CAMTA1: variants seen among roughly 807,000 people sequenced by gnomAD.
The protein encoded by CAMTA1 is calmodulin binding transcription activator 1.
CAMTA1 carries 27 observed loss-of-function variants against 170.9 expected under a neutral mutation model. The observed-to-expected ratio is 0.16, with a 90% confidence interval of 0.12 to 0.22. The LOEUF is 0.22. Ranked by LOEUF, CAMTA1 falls within the 10% of genes least tolerant of loss-of-function variation. CAMTA1 has a pLI of 1.00. For synonymous variants in CAMTA1, 833 were observed against 891.5 expected, an observed-to-expected ratio of 0.93 and a Z score of 1.17; for missense variants, 1,619 against 2,217.2, an observed-to-expected ratio of 0.73 and a Z score of 5.42.
chr1:7,031,633 G>A (rs761854897), intron 3 of CAMTA1, among the ~76,000 whole-genome samples: 6 of 152,070 alleles, frequency 3.9e-5, no homozygotes, highest in Non-Finnish European at 7.3e-5. Flanking sequence ...TCCGCCTCCC[G>A]GGTTCAAGTG....
At chr1:7,020,123 A>G (rs1701136297) in intron 3 of CAMTA1, among the ~76,000 whole-genome samples, 1 of 152,264 alleles carries the variant, frequency 6.6e-6, no homozygotes, top group African/African-American at 2.4e-5. Flanking sequence ...TCCATCTTTT[A>G]TAACAGGCAA....
chr1:6,884,720 A>G (rs1672688739), intron 3 of CAMTA1, among the ~76,000 whole-genome samples: 3 of 152,244 alleles, frequency 2.0e-5, no homozygotes, highest in Admixed American at 6.5e-5. Flanking sequence ...GTGTTCTTGG[A>G]TGCCTTATGT....
At chr1:6,906,744 C>G (rs890257040) in intron 3 of CAMTA1, among the ~76,000 whole-genome samples, 13 of 152,222 alleles carry the variant, frequency 8.5e-5, no homozygotes, top group Non-Finnish European at 1.8e-4. Context: ...TTCCCTCCCC[C>G]TCATTTTCGA....
chr1:7,657,679 G>C (rs575607738), intron 7 of CAMTA1, among the ~76,000 whole-genome samples: 29 of 152,332 alleles, frequency 1.9e-4, no homozygotes, highest in Admixed American at 1.4e-3. Context: ...GGGAAGCAGA[G>C]CATGACATGT....
chr1:7,337,636 C>T (rs2083481965), intron 5 of CAMTA1, among the ~76,000 whole-genome samples: 2 of 151,950 alleles, frequency 1.3e-5, no homozygotes, highest in Non-Finnish European at 2.9e-5. Context: ...TGGGCCTCAT[C>T]CAATCACAAT....
chr1:7,028,691 G>T (rs940752835), intron 3 of CAMTA1, among the ~76,000 whole-genome samples: 1 of 152,112 alleles, frequency 6.6e-6, no homozygotes. Flanking sequence ...TGGTATTATT[G>T]TGAGTCATTT....
intron 5 of CAMTA1, among the ~76,000 whole-genome samples, chr1:7,371,831 C>T (rs2086495602): frequency 6.6e-6 from 1 of 152,176 alleles, no homozygotes; most frequent in Non-Finnish European, 1.5e-5. Context: ...ATGATTTTGT[C>T]CCCCCACTCC....
intron 22 of CAMTA1, among the ~76,000 whole-genome samples, chr1:7,756,896 T>A (rs1577456796): frequency 1.3e-5 from 2 of 152,034 alleles, no homozygotes; most frequent in South Asian, 4.1e-4. Flanking sequence ...ATAGAATTCA[T>A]CAAAATTTAA....
At chr1:7,188,787 G>T (rs1335317704) in intron 4 of CAMTA1, among the ~76,000 whole-genome samples, 1 of 152,162 alleles carries the variant, frequency 6.6e-6, no homozygotes, top group African/African-American at 2.4e-5. Context: ...ACACATGTTT[G>T]TTCAGTTCTC....
At chr1:7,218,740 T>C (rs1049435774) in intron 4 of CAMTA1, among the ~76,000 whole-genome samples, 65 of 152,314 alleles carry the variant, frequency 4.3e-4, no homozygotes, top group African/African-American at 1.4e-3. Context: ...TCTGCCTTCA[T>C]TGGCTTTTGG....
chr1:7,446,265 A>G (rs61228990), intron 5 of CAMTA1, among the ~76,000 whole-genome samples: 13,992 of 151,842 alleles, frequency 0.092, 1,879 homozygotes, highest in African/African-American at 0.3. Context: ...TCCTCTCCCT[A>G]TGACATGGAT....
intron 5 of CAMTA1, among the ~76,000 whole-genome samples, chr1:7,382,257 G>T (rs907655880): frequency 2.6e-5 from 4 of 152,194 alleles, no homozygotes; most frequent in Non-Finnish European, 5.9e-5. Flanking sequence ...CTGGGCAAAG[G>T]GAAACAGATA....
chr1:7,295,956 C>T (rs1226469887), intron 5 of CAMTA1, among the ~76,000 whole-genome samples: 8 of 152,190 alleles, frequency 5.3e-5, no homozygotes, highest in East Asian at 1.9e-4. Context: ...ACAAGGCTAC[C>T]GAAAAGGTGC....
chr1:7,442,318 G>A (rs1352304949), intron 5 of CAMTA1, among the ~76,000 whole-genome samples: 4 of 152,210 alleles, frequency 2.6e-5, no homozygotes, highest in Non-Finnish European at 5.9e-5. Flanking sequence ...ACGGTGGCCT[G>A]AATCACAAGT....
At chr1:7,578,284 G>A (rs2095221522) in intron 6 of CAMTA1, among the ~76,000 whole-genome samples, 1 of 152,172 alleles carries the variant, frequency 6.6e-6, no homozygotes. Flanking sequence ...GCCTGCTCCA[G>A]GGTCATGCAC....
intron 6 of CAMTA1, among the ~76,000 whole-genome samples, chr1:7,542,833 AACAC>A (rs1285397677): frequency 2.5e-5 from 2 of 80,492 alleles, no homozygotes; most frequent in Non-Finnish European, 6.3e-5. Context: ...CCTGGCCTAA[AACAC>A]AGTGTGTGTG....
chr1:7,264,570 A>G (rs990393783), intron 5 of CAMTA1, among the ~76,000 whole-genome samples: 1 of 152,220 alleles, frequency 6.6e-6, no homozygotes, highest in African/African-American at 2.4e-5. Flanking sequence ...ATAAGAAAAC[A>G]ATAGGAGAAA....
chr1:7,766,575 C>G lies in CAMTA1; in HGVS notation c.*84C>G. 8.1e-7 allele frequency: 1 copy of G among 1,227,308 alleles called. No homozygotes were observed. The highest frequency in any genetic ancestry group is 1.7e-5 in the Admixed American group (1 of 59,214). The allele number at this position is 1,227,308 out of a possible 1,614,324, so 76.0% of individuals were successfully genotyped here. Reference sequence around the variant, plus strand: ...TGTTTTTAGCAGAGACATGCAACAACAACACACACGCACACACGCACACAC... The same window carrying G: ...TGTTTTTAGCAGAGACATGCAACAAGAACACACACGCACACACGCACACAC... On this transcript the variant is annotated 3_prime_UTR_variant, in exon 23 of 23. Transcript: ENST00000303635.
intron 5 of CAMTA1, among the ~76,000 whole-genome samples, chr1:7,255,745 C>T (rs1297869073): frequency 1.3e-5 from 2 of 152,220 alleles, no homozygotes; most frequent in South Asian, 2.1e-4. Context: ...GAATCTACCC[C>T]ACACGACCTT....
Sources: gnomAD v4.1 joint callset for allele counts (sites outside exome capture counted in the v4.1 genomes callset) on GRCh38, gnomAD v4.1.1 for gene constraint, MANE v1.5 for transcripts, NCBI Gene and HGNC (gene_info 2026-07-23, HGNC 2026-07-21) for gene names.